Variants in CGNL1 observed in about 807,000 individuals in gnomAD.
CGNL1 encodes cingulin like 1, also known as cingulin-like protein 1.
CGNL1 carries 132 observed loss-of-function variants against 141.2 expected under a neutral mutation model. The ratio of observed to expected loss-of-function variants is 0.93; its 90% CI spans 0.81 to 1.08. The LOEUF (loss-of-function observed/expected upper bound fraction) is 1.08. Among genes scored for constraint, CGNL1 ranks in the 50% least tolerant of loss-of-function variants. The pLI is 0.00. For missense variants in CGNL1, 1,870 were observed against 1,588.6 expected, an observed-to-expected ratio of 1.18 and a Z score of -3.01; for synonymous variants, 690 against 622.1, an observed-to-expected ratio of 1.11 and a Z score of -1.63.
chr15:57,417,628 G>C (rs1290812989), intron 1 of CGNL1, among the ~76,000 whole-genome samples: 2 of 143,390 alleles, frequency 1.4e-5, no homozygotes, highest in African/African-American at 5.2e-5. Context: ...TTTTCCTTCT[G>C]GGGATTTCAG....
chr15:57,398,944 AT>A (rs568492103), intron 1 of CGNL1, among the ~76,000 whole-genome samples: 48 of 149,238 alleles, frequency 3.2e-4, no homozygotes, highest in Non-Finnish European at 5.6e-4. Flanking sequence ...TTTAAATTTT[AT>A]TTTTGCTCTC....
chr15:57,544,716 C>T, intron 16 of CGNL1, 119 bp downstream of exon 16: 2 of 1,145,438 alleles, frequency 1.7e-6, no homozygotes, highest in African/African-American at 1.6e-5. Context: ...GAAGGCAGAG[C>T]AACTACACCC....
intron 8 of CGNL1, among the ~76,000 whole-genome samples, chr15:57,482,399 T>A (rs1419449275): frequency 6.6e-6 from 1 of 152,232 alleles, no homozygotes; most frequent in East Asian, 1.9e-4. Context: ...TGTTTTTGTT[T>A]TCTAAAGGTT....
chr15:57,470,236 A>G (rs1321430666), intron 8 of CGNL1, among the ~76,000 whole-genome samples: 3 of 89,828 alleles, frequency 3.3e-5, no homozygotes, highest in Non-Finnish European at 4.5e-5. Context: ...CTAAAAAAAG[A>G]TCTCTTTTTT....
intron 8 of CGNL1, among the ~76,000 whole-genome samples, chr15:57,480,023 G>A (rs1043152616): frequency 1.3e-5 from 2 of 152,158 alleles, no homozygotes; most frequent in Non-Finnish European, 2.9e-5. Flanking sequence ...TTTGGCTCAC[G>A]GTTATCCCAA....
rs186191475 is a variant in CGNL1, at chr15:57,547,640, G to A, written c.*150G>A. 16 of 871,542 alleles carry A rather than the reference G, an allele frequency of 1.8e-5. No individual in the cohort carries two copies. Among genetic ancestry groups the A allele is most frequent in the African/African-American group, 8.5e-5 (5 of 58,722 alleles). 54.0% of individuals were successfully genotyped at this position (871,542 alleles called of 1,614,324 possible). ...CCAGCTCCTCAGTGTTACATTCCTC[G>A]CCAGGGTCTCTCAGTGGGTCTTCGA... is the stretch of plus-strand genomic sequence containing the variant. On this transcript the variant is annotated 3_prime_UTR_variant, in exon 19 of 19. Transcript: ENST00000281282.
At chr15:57,416,856 G>A (rs1277754972) in intron 1 of CGNL1, among the ~76,000 whole-genome samples, 1 of 152,344 alleles carries the variant, frequency 6.6e-6, no homozygotes, top group Non-Finnish European at 1.5e-5. Context: ...TCAGTGTCAT[G>A]AATGGTGGTT....
At chr15:57,450,424 G>GCA (rs1303911512) in intron 4 of CGNL1, among the ~76,000 whole-genome samples, 6 of 152,124 alleles carry the variant, frequency 3.9e-5, no homozygotes, top group African/African-American at 1.2e-4. Flanking sequence ...CTACAGACGT[G>GCA]TGCCACTACG....
At chr15:57,378,454 T>G (rs2062391370) in intron 1 of CGNL1, among the ~76,000 whole-genome samples, 1 of 139,184 alleles carries the variant, frequency 7.2e-6, no homozygotes, top group Non-Finnish European at 1.5e-5. Flanking sequence ...CAATCTCAGC[T>G]TACGGCAGCC....
chr15:57,535,550 A>G (rs1046844143), intron 14 of CGNL1, among the ~76,000 whole-genome samples: 9 of 152,194 alleles, frequency 5.9e-5, no homozygotes, highest in African/African-American at 2.2e-4. Context: ...GGTGTGAACA[A>G]AGACTGGGAG....
chr15:57,538,715 C>T (rs904733750), intron 14 of CGNL1, among the ~76,000 whole-genome samples: 3 of 152,154 alleles, frequency 2.0e-5, no homozygotes, highest in South Asian at 2.1e-4. Context: ...CCCAGGGCTG[C>T]GTGACCACTT....
intron 1 of CGNL1, among the ~76,000 whole-genome samples, chr15:57,428,981 C>T (rs2063012192): frequency 6.6e-6 from 1 of 152,106 alleles, no homozygotes; most frequent in Middle Eastern, 3.4e-3. Context: ...CGAGATTGCG[C>T]CACTGCACTC....
rs555216345 is a variant in CGNL1 at position 57,540,147 on chromosome 15, C to A, written c.3292-3549C>A. Among the ~76,000 whole-genome samples, 248 of 152,256 alleles carry A rather than the reference C, an allele frequency of 1.6e-3. 1 individual carries two copies. The highest frequency in any genetic ancestry group is 5.5e-3 in the African/African-American group (228 of 41,544). On this transcript the variant is annotated intron_variant, in intron 14 of 18. Transcript: ENST00000281282. ...ACACTGCCCTTCTCTTTCTTACCTC[C>A]TACTCTGTGTTACTGGTGGTCTGCC...
chr15:57,450,211 C>G (rs1204938933), intron 4 of CGNL1, among the ~76,000 whole-genome samples: 6 of 152,128 alleles, frequency 3.9e-5, no homozygotes, highest in Non-Finnish European at 1.5e-5. Context: ...ATCCTTGCCA[C>G]CATTTGGTGT....
At chr15:57,472,420 G>GAGAC (rs1333110876) in intron 8 of CGNL1, among the ~76,000 whole-genome samples, 1 of 152,166 alleles carries the variant, frequency 6.6e-6, no homozygotes, top group Non-Finnish European at 1.5e-5. Context: ...TTTAGAGAGA[G>GAGAC]AGACAGACAG....
At chr15:57,444,835 A>T (rs976834260) in intron 4 of CGNL1, among the ~76,000 whole-genome samples, 1 of 152,210 alleles carries the variant, frequency 6.6e-6, no homozygotes, top group African/African-American at 2.4e-5. Context: ...AGAAGTTTCC[A>T]TTTCGGGCTG....
At chr15:57,474,439 C>G (rs2063625400) in intron 8 of CGNL1, among the ~76,000 whole-genome samples, 1 of 152,146 alleles carries the variant, frequency 6.6e-6, no homozygotes, top group African/African-American at 2.4e-5. Flanking sequence ...GACTATATCT[C>G]TTAGGTGATA....
At chr15:57,473,473 C>A (rs1302854264) in intron 8 of CGNL1, among the ~76,000 whole-genome samples, 1 of 152,192 alleles carries the variant, frequency 6.6e-6, no homozygotes, top group African/African-American at 2.4e-5. Flanking sequence ...TTTACAGTAG[C>A]CCGTTGGCCC....
chr15:57,516,739 G>C, intron 8 of CGNL1, 41 bp from the exon 9 acceptor site: 5 of 1,592,432 alleles, frequency 3.1e-6, no homozygotes, highest in Non-Finnish European at 4.3e-6. Context: ...ACAGCTCCTT[G>C]ACATCAGTCT....
Sources: gnomAD v4.1 joint callset for allele counts (sites outside exome capture counted in the v4.1 genomes callset) on GRCh38, gnomAD v4.1.1 for gene constraint, MANE v1.5 for transcripts, NCBI Gene and HGNC (gene_info 2026-07-23, HGNC 2026-07-21) for gene names.